The following ALOX5 variants were observed in gnomAD, a reference collection of about 807,000 sequenced individuals.
The protein encoded by ALOX5 is arachidonate 5-lipoxygenase.
ALOX5 carries 64 observed loss-of-function variants against 87.9 expected under a neutral mutation model. That is an observed-to-expected ratio of 0.73 (90% CI 0.60 to 0.90). The LOEUF (loss-of-function observed/expected upper bound fraction) is 0.90. Among genes scored for constraint, ALOX5 ranks in the 40% least tolerant of loss-of-function variants. The pLI is 0.00. For synonymous variants in ALOX5, 388 were observed against 355.1 expected (o/e 1.09, Z -1.04); for missense variants, 822 against 907.5 (o/e 0.91, Z 1.21).
intron 3 of ALOX5, among the ~76,000 whole-genome samples, chr10:45,407,149 A>G (rs1840913926): frequency 6.6e-6 from 1 of 152,126 alleles, no homozygotes; most frequent in African/African-American, 2.4e-5. Flanking sequence ...TGACAATATG[A>G]GAGGCTTAGA....
chr10:45,385,093 C>T (rs893238536), intron 2 of ALOX5, among the ~76,000 whole-genome samples: 10 of 152,106 alleles, frequency 6.6e-5, no homozygotes, highest in Non-Finnish European at 1.2e-4. Flanking sequence ...GTGATCCACC[C>T]GGCTCGGCCT....
intron 4 of ALOX5, among the ~76,000 whole-genome samples, chr10:45,415,255 A>T (rs186281355): frequency 2.0e-5 from 3 of 152,246 alleles, no homozygotes; most frequent in Non-Finnish European, 4.4e-5. Context: ...CTATGCAGCC[A>T]TAAAAAAGGA....
chr10:45,437,874 G>T (rs574254508), intron 7 of ALOX5, among the ~76,000 whole-genome samples: 2 of 152,320 alleles, frequency 1.3e-5, no homozygotes, highest in Non-Finnish European at 2.9e-5. Context: ...GTGTGCTCTC[G>T]CCATTGTTCC....
At chr10:45,390,744 G>A (rs1213899723) in intron 2 of ALOX5, among the ~76,000 whole-genome samples, 1 of 152,172 alleles carries the variant, frequency 6.6e-6, no homozygotes, top group Non-Finnish European at 1.5e-5. Context: ...AAGCAGGGAA[G>A]ATCTAAAATT....
In ALOX5 at chr10:45,398,334, ATAAAT is replaced by A. The variant is rs199680994; in HGVS notation, c.431+2402_431+2406del. ...TGGATCCTTAGCTCACACCATATAC[ATAAAT>A]TAACACAAAATGAGTCAAATACCTA... On this transcript the variant is annotated intron_variant, in intron 3 of 13. Coordinates refer to ENST00000374391, the MANE Select transcript of ALOX5 (RefSeq NM_000698.5). Among the ~76,000 whole-genome samples the A allele has an allele frequency of 3.4e-3, 522 of 152,382 alleles. 6 individuals carry two copies. Among genetic ancestry groups the A allele is most frequent in the African/African-American group, 0.012 (491 of 41,596 alleles).
chr10:45,405,143 T>C (rs1435152331), intron 3 of ALOX5, among the ~76,000 whole-genome samples: 1 of 152,252 alleles, frequency 6.6e-6, no homozygotes, highest in Non-Finnish European at 1.5e-5. Context: ...ACCAACCTTG[T>C]ACAAACATCT....
Position 45,443,064 on chromosome 10 carries a change from CGTGCAGATG to C in ALOX5, c.1307_1315del (p.Met436_Gln438del). The C allele has an allele frequency of 6.2e-7, 1 of 1,613,272 alleles. No individual in the cohort carries two copies. The stretch of plus-strand genomic sequence containing the variant: ...CCAACGCCACAGGGGGCGGTGGGCA[CGTGCAGATG>C]GTGCAGAGGGCCATGAAGGACCTGA... On this transcript the variant is annotated inframe_deletion, in exon 10 of 14. Transcript: ENST00000374391.
intron 3 of ALOX5, among the ~76,000 whole-genome samples, chr10:45,402,911 G>A (rs533786301): frequency 2.0e-5 from 3 of 152,256 alleles, no homozygotes; most frequent in Non-Finnish European, 2.9e-5. Flanking sequence ...ATTAGGACTC[G>A]GGGAAATCAG....
intron 12 of ALOX5, 73 bp from the exon 13 acceptor site, chr10:45,444,043 G>T: frequency 6.8e-7 from 1 of 1,477,148 alleles, no homozygotes; most frequent in Non-Finnish European, 9.0e-7. Context: ...GGCACGGGGA[G>T]GACGGGGCCC....
chr10:45,419,460 C>T (rs1484514867), intron 4 of ALOX5, among the ~76,000 whole-genome samples: 1 of 151,900 alleles, frequency 6.6e-6, no homozygotes, highest in Non-Finnish European at 1.5e-5. Flanking sequence ...TGGGGGCAGG[C>T]AGAGGCCTAG....
At chr10:45,408,868 C>T (rs1034089632) in intron 3 of ALOX5, among the ~76,000 whole-genome samples, 2 of 152,174 alleles carry the variant, frequency 1.3e-5, no homozygotes, top group African/African-American at 4.8e-5. Flanking sequence ...TTCTATTTTG[C>T]ACAAAGCACT....
rs1564451580 is a variant in ALOX5 at position 45,443,547 on chromosome 10, C to T, written c.1573+10C>T. On this transcript the variant is annotated intron_variant, in intron 11 of 13. Transcript: ENST00000374391. Reference sequence around the variant, plus strand: ...GGCCGCAAGTCCTCAGGTAGGGCCTCCGGGACGTCTCCGGACCCGGCTCCC... The same window carrying T: ...GGCCGCAAGTCCTCAGGTAGGGCCTTCGGGACGTCTCCGGACCCGGCTCCC... The T allele has an allele frequency of 1.2e-6, 2 of 1,608,746 alleles. No individual in the cohort carries two copies. Among genetic ancestry groups the T allele is most frequent in the Non-Finnish European group, 1.7e-6 (2 of 1,176,788 alleles).
In ALOX5 at chr10:45,443,339, C is replaced by T. The variant is rs1842305872; in HGVS notation, c.1452-77C>T. The T allele has an allele frequency of 2.5e-6, 4 of 1,589,596 alleles. No individual in the cohort carries two copies. The South Asian group carries it at 4.5e-5, about 18-fold the overall frequency. ...GGACGGGGTGGGGGAGTCCCAGCGT[C>T]CGTGAGGGGGTTGCCGCCGGGCACC... is the stretch of plus-strand genomic sequence containing the variant. On this transcript the variant is annotated intron_variant, in intron 10 of 13. Transcript: ENST00000374391.
Position 45,428,023 on chromosome 10 carries a change from C to T in ALOX5, c.835-595C>T, listed in dbSNP as rs540406179. 1.2e-3 allele frequency among the ~76,000 whole-genome samples: 186 copies of T among 151,970 alleles called. 1 individual carries two copies. The highest frequency in any genetic ancestry group is 4.2e-3 in the African/African-American group (176 of 41,444). ...TTCCCCCTCTGCTTCTGCAGCACCT[C>T]TCCCGAAACACGCTCATTCCCGCCC... is the stretch of plus-strand genomic sequence containing the variant. On this transcript the variant is annotated intron_variant, in intron 6 of 13. Coordinates refer to ENST00000374391, the MANE Select transcript of ALOX5 (RefSeq NM_000698.5).
At chr10:45,394,763 A>T (rs1840436206) in intron 2 of ALOX5, among the ~76,000 whole-genome samples, 1 of 152,232 alleles carries the variant, frequency 6.6e-6, no homozygotes, top group Non-Finnish European at 1.5e-5. Context: ...TTACAAGAAA[A>T]AAACAAACAA....
chr10:45,385,365 G>A (rs1839974135), intron 2 of ALOX5, among the ~76,000 whole-genome samples: 1 of 152,192 alleles, frequency 6.6e-6, no homozygotes, highest in Non-Finnish European at 1.5e-5. Context: ...GCTTCATTAA[G>A]GCACTGTGTC....
Position 45,382,601 on chromosome 10 carries a change from C to G in ALOX5, c.269C>G (p.Thr90Arg), listed in dbSNP as rs551364951. ...TACCTGAAGTACATCACGCTGAAGA[C>G]GCCCCACGGGGACTACATCGAGTTC... The part of the protein sequence containing the change: ...DWYLKYITLK[T>R]PHGDYIEFPC... The change falls in exon 2 of 14, where the codon ACG becomes AGG. Residue 90 changes from threonine to arginine, a missense_variant. Physicochemically the swap from Thr to Arg is moderately conservative, Grantham distance 71 (BLOSUM62 -1). Transcript: ENST00000374391. The G allele has an allele frequency of 6.2e-7, 1 of 1,614,012 alleles. No homozygotes were observed. Among genetic ancestry groups the G allele is most frequent in the Admixed American group, 1.7e-5 (1 of 59,986 alleles).
intron 2 of ALOX5, among the ~76,000 whole-genome samples, chr10:45,394,345 G>A (rs1355899040): frequency 6.6e-6 from 1 of 152,184 alleles, no homozygotes; most frequent in Admixed American, 6.6e-5. Context: ...ACAAAAACAA[G>A]CAATGGGGAA....
At chr10:45,417,263 A>G (rs962545283) in intron 4 of ALOX5, among the ~76,000 whole-genome samples, 5 of 152,074 alleles carry the variant, frequency 3.3e-5, no homozygotes, top group African/African-American at 1.2e-4. Context: ...GCCTAGACAT[A>G]TGGTTCTCAA....
Sources: allele counts gnomAD v4.1 joint callset (sites outside exome capture counted in the v4.1 genomes callset), GRCh38; gene constraint gnomAD v4.1.1; transcripts MANE v1.5; gene names NCBI Gene and HGNC (gene_info 2026-07-23, HGNC 2026-07-21).